CCDC159: variants seen among roughly 807,000 people sequenced by gnomAD.
CCDC159 encodes coiled-coil domain-containing protein 159.
Under a neutral mutation model 50.9 loss-of-function variants are expected in CCDC159, and 40 were observed. The ratio of observed to expected loss-of-function variants is 0.79; its 90% CI spans 0.61 to 1.02. The LOEUF (loss-of-function observed/expected upper bound fraction) is 1.02, where lower values mean the gene tolerates loss of function less well. CCDC159 is among the 50% of genes least tolerant of loss of function. The probability of loss-of-function intolerance (pLI) is 0.00; values close to 1 mark genes in which losing one functional copy is unlikely to be tolerated. For synonymous variants in CCDC159, 146 were observed against 138.9 expected (o/e 1.05, Z -0.36); for missense variants, 356 against 371.5 (o/e 0.96, Z 0.34).
chr19:11,353,908 G>C, intron 9 of CCDC159, 34 bp downstream of exon 9: 1 of 1,510,984 alleles, frequency 6.6e-7, no homozygotes, highest in Non-Finnish European at 8.9e-7. Flanking sequence ...AGGGGTGGGA[G>C]GTCATTGTCT....
intron 4 of CCDC159, among the ~76,000 whole-genome samples, chr19:11,350,561 G>T (rs996408849): frequency 6.6e-6 from 1 of 152,172 alleles, no homozygotes; most frequent in African/African-American, 2.4e-5. Context: ...GCTGAGAAAG[G>T]AGAATTGCTT....
At chr19:11,348,933 T>G in intron 1 of CCDC159, 1 of 1,320,034 alleles carries the variant, frequency 7.6e-7, no homozygotes, top group Non-Finnish European at 1.0e-6. Context: ...AGGAGTGCCC[T>G]GCACTGTCCC....
Position 11,349,980 on chromosome 19 carries a change from G to A in CCDC159, c.98G>A (p.Arg33Gln), listed in dbSNP as rs200265497. 167 of 1,613,590 alleles carry A rather than the reference G, an allele frequency of 1.0e-4. No homozygotes were observed. Among genetic ancestry groups the A allele is most frequent in the Non-Finnish European group, 1.2e-4 (147 of 1,179,862 alleles). The stretch of plus-strand genomic sequence containing the variant: ...ATTCCCGACTCCCAGAAGCTCCTGC[G>A]ATGTGAACTTGAGTCACTCAAGAGC... ...VMIPDSQKLL[R>Q]CELESLKSQL... Residue 33 changes from arginine (R) to glutamine (Q), a missense_variant, in exon 3 of 11, where the codon CGA (arginine) becomes CAA (glutamine). Arg to Gln is a conservative substitution (Grantham distance 43, BLOSUM62 1). Transcript: ENST00000458408.
At position 11,353,255 on chromosome 19, in the gene CCDC159, C is replaced by A. The variant is rs1967679886; in HGVS notation, c.568-196C>A. On this transcript the variant is annotated intron_variant, in intron 7 of 10. Transcript: ENST00000458408. ...AGCTGGGACAACAGGCGCCCGCCACCACGCCCGGCTAACTTTTTGTATTTT... is the reference window on the plus strand; with the variant it reads ...AGCTGGGACAACAGGCGCCCGCCACAACGCCCGGCTAACTTTTTGTATTTT... 4 of 405,832 alleles carry A rather than the reference C, an allele frequency of 9.9e-6. No homozygotes were observed. In the South Asian group the frequency reaches 1.1e-4, roughly 11 times the overall value. The allele number at this position is 405,832 out of a possible 1,614,324, so 25.1% of individuals were successfully genotyped here. A position where few individuals can be genotyped will look rare whatever the true frequency, so the allele number is the denominator to read the frequency against.
chr19:11,348,100 G>A (rs1304530885), intron 1 of CCDC159: 1 of 456,166 alleles, frequency 2.2e-6, no homozygotes, highest in Non-Finnish European at 4.4e-6. Context: ...TACCAGCATA[G>A]AGCATGTGAT....
At chr19:11,352,208 G>A in intron 7 of CCDC159, 75 bp downstream of exon 7, 2 of 1,438,736 alleles carry the variant, frequency 1.4e-6, no homozygotes, top group Non-Finnish European at 1.9e-6. Flanking sequence ...CCTCCACCAT[G>A]AGATTGGAGC....
At chr19:11,347,190 A>C (rs1339750681) in intron 1 of CCDC159, among the ~76,000 whole-genome samples, 1 of 152,144 alleles carries the variant, frequency 6.6e-6, no homozygotes, top group Non-Finnish European at 1.5e-5. Flanking sequence ...CAGGCAGAAG[A>C]AAAACGTGTA....
At chr19:11,347,195 C>T (rs1231927202) in intron 1 of CCDC159, among the ~76,000 whole-genome samples, 1 of 152,072 alleles carries the variant, frequency 6.6e-6, no homozygotes, top group Admixed American at 6.5e-5. Context: ...AGAAGAAAAA[C>T]GTGTACATCA....
rs59307446 is a variant in CCDC159, at chr19:11,349,033, G to A, written c.22-621G>A. On this transcript the variant is annotated intron_variant, in intron 1 of 10. Transcript: ENST00000458408. The stretch of plus-strand genomic sequence containing the variant: ...CCAGGACTCCAGAGCCAGAGACCTT[G>A]GGATGCCCTGCTTCTGGGGACACAG... The A allele has an allele frequency of 4.9e-3, 6,536 of 1,341,264 alleles. 267 individuals carry two copies. The African/African-American group carries it at 0.086, about 18-fold the overall frequency. The allele number at this position is 1,341,264 out of a possible 1,614,324, so 83.1% of individuals were successfully genotyped here.
intron 2 of CCDC159, 70 bp downstream of exon 2, chr19:11,349,757 C>A: frequency 7.5e-7 from 1 of 1,335,280 alleles, no homozygotes; most frequent in Non-Finnish European, 1.1e-6. Flanking sequence ...CCCTCTGCCC[C>A]AGCATCAGCT....
chr19:11,346,873 G>A (rs1018257311), intron 1 of CCDC159, among the ~76,000 whole-genome samples: 1 of 152,180 alleles, frequency 6.6e-6, no homozygotes, highest in Non-Finnish European at 1.5e-5. Context: ...GGTTCTCAGC[G>A]TGACATTCCA....
chr19:11,352,010 G>T, intron 6 of CCDC159, 37 bp downstream of exon 6: 1 of 1,612,814 alleles, frequency 6.2e-7, no homozygotes, highest in Non-Finnish European at 8.5e-7. Flanking sequence ...GTGTGGGGAG[G>T]GGGTCCTTCT....
chr19:11,352,139 T>C lies in CCDC159; in HGVS notation c.567+6T>C, dbSNP rs1226483402. On this transcript the variant is annotated splice_donor_region_variant and intron_variant, in intron 7 of 10. Coordinates refer to ENST00000458408, the MANE Select transcript of CCDC159 (RefSeq NM_001080503.3). The stretch of plus-strand genomic sequence containing the variant: ...CGCAGGTGAAATGCCGCAAAGTGAG[T>C]GGAGGAGATGGGGACCCTGGGGAGG... 3 of 1,611,408 alleles carry C rather than the reference T, an allele frequency of 1.9e-6. No individual in the cohort carries two copies. Among genetic ancestry groups the C allele is most frequent in the Non-Finnish European group, 2.5e-6 (3 of 1,179,414 alleles).
Position 11,354,631 on chromosome 19 carries a change from A to T in CCDC159, c.824A>T (p.Asp275Val). Residue 275 changes from aspartate to valine, a missense_variant, in exon 10 of 11, where the codon GAC (aspartate) becomes GTC (valine). Physicochemically the swap from Asp to Val is radical, Grantham distance 152. Transcript: ENST00000458408. ...CCTCCACTCCCCTCCTGGGACTCTG[A>T]CTCCGACTGTGACCAGGACCTCTCC... Reference protein sequence around the residue: ...LSPPLPSWDSDSDCDQDLSQP... With the variant: ...LSPPLPSWDSVSDCDQDLSQP... 6.2e-7 allele frequency: 1 copy of T among 1,604,406 alleles called. No homozygotes were observed. The highest frequency in any genetic ancestry group is 8.5e-7 in the Non-Finnish European group (1 of 1,175,542).
chr19:11,349,401 A>G lies in CCDC159; in HGVS notation c.22-253A>G, dbSNP rs112525948. 1.6e-4 allele frequency: 89 copies of G among 566,478 alleles called. 2 individuals are homozygous for G. Among genetic ancestry groups the G allele is most frequent in the African/African-American group, 1.5e-3 (82 of 53,084 alleles). The allele number at this position is 566,478 out of a possible 1,614,324, so 35.1% of individuals were successfully genotyped here. A position where few individuals can be genotyped will look rare whatever the true frequency, so the allele number is the denominator to read the frequency against. On this transcript the variant is annotated intron_variant, in intron 1 of 10. Coordinates refer to ENST00000458408, the MANE Select transcript of CCDC159 (RefSeq NM_001080503.3). ...GATGAAGGAATGAATGGAAGGAAAG[A>G]GTGTGGTTGTGTGTCTTCCATGGGG...
Position 11,354,596 on chromosome 19 carries a change from G to A in CCDC159, c.789G>A (p.Gln263=), listed in dbSNP as rs1967781003. 1 of 1,575,222 alleles carries A rather than the reference G, an allele frequency of 6.3e-7. No individual in the cohort carries two copies. Among genetic ancestry groups the A allele is most frequent in the Non-Finnish European group, 8.7e-7 (1 of 1,154,286 alleles). The change falls in exon 10 of 11, where the codon CAG becomes CAA. Residue 263 remains glutamine, a synonymous_variant. Coordinates refer to ENST00000458408, the MANE Select transcript of CCDC159 (RefSeq NM_001080503.3). Reference sequence around the variant, plus strand: ...CTCCTGCAGGCCACAAGGGGCACCAGTGCCTGAGCCCTCCACTCCCCTCCT... The same window carrying A: ...CTCCTGCAGGCCACAAGGGGCACCAATGCCTGAGCCCTCCACTCCCCTCCT... The part of the protein sequence containing the change: ...ASSLRGHKGH[Q]CLSPPLPSWD...
intron 5 of CCDC159, chr19:11,351,583 C>A: frequency 4.3e-6 from 1 of 233,462 alleles, no homozygotes; most frequent in South Asian, 6.9e-5. Context: ...AAAAGGAGGC[C>A]AGGGGATCAG....
chr19:11,351,149 G>C, intron 5 of CCDC159, 146 bp downstream of exon 5: 1 of 854,810 alleles, frequency 1.2e-6, no homozygotes, highest in Non-Finnish European at 1.7e-6. Flanking sequence ...CAAGAAGAGG[G>C]AATGAGGCCG....
At chr19:11,351,231 G>T in intron 5 of CCDC159, 1 of 488,778 alleles carries the variant, frequency 2.0e-6, no homozygotes, top group Non-Finnish European at 3.6e-6. Flanking sequence ...GAGGTCAGGA[G>T]TTCGAGACCA....
Sources: allele counts gnomAD v4.1 joint callset (sites outside exome capture counted in the v4.1 genomes callset), GRCh38; gene constraint gnomAD v4.1.1; transcripts MANE v1.5; gene names NCBI Gene and HGNC (gene_info 2026-07-23, HGNC 2026-07-21).